The following TSHR variants were observed in gnomAD, a reference collection of about 807,000 sequenced individuals.
TSHR encodes thyroid stimulating hormone receptor, also known as thyrotropin receptor.
In TSHR, 51 loss-of-function variants were observed where a neutral mutation model predicts 64.1. The observed-to-expected ratio is 0.80, with a 90% CI of 0.64 to 1.01. The LOEUF (loss-of-function observed/expected upper bound fraction) is 1.01, where lower values mean the gene tolerates loss of function less well. Ranked by LOEUF, TSHR falls within the 50% of genes least tolerant of loss-of-function variation. TSHR has a pLI of 0.00. For synonymous variants in TSHR, 361 were observed against 361.9 expected, an observed-to-expected ratio of 1.00 and a Z score of 0.03; for missense variants, 877 against 942.8, an observed-to-expected ratio of 0.93 and a Z score of 0.91.
chr14:81,099,151 A>G (rs1388588817), intron 7 of TSHR, among the ~76,000 whole-genome samples: 1 of 152,214 alleles, frequency 6.6e-6, no homozygotes, highest in Admixed American at 6.5e-5. Context: ...ACTCTCTCCA[A>G]GTGAGTCCAA....
intron 1 of TSHR, among the ~76,000 whole-genome samples, chr14:81,018,711 C>A (rs1387805935): frequency 6.6e-6 from 1 of 152,124 alleles, no homozygotes; most frequent in Non-Finnish European, 1.5e-5. Flanking sequence ...TGGCTGTGAC[C>A]TCCTCATAGT....
chr14:80,983,451 G>A, intron 1 of TSHR: 1 of 1,306,192 alleles, frequency 7.7e-7, no homozygotes, highest in Non-Finnish European at 1.1e-6. Flanking sequence ...CAATATGAAG[G>A]CACTGGCAGC....
chr14:81,108,494 C>CT lies in TSHR; in HGVS notation c.692+55dup, dbSNP rs375160114. On this transcript the variant is annotated intron_variant, in intron 8 of 9. Coordinates refer to ENST00000298171, the MANE Select transcript of TSHR (RefSeq NM_000369.5). ...AAAGAATATTTTAGTCTTTTTTTTTCTTTTTTTTTTTTTGGAATAAATGGA... is the reference window on the plus strand; with the variant it reads ...AAAGAATATTTTAGTCTTTTTTTTTCTTTTTTTTTTTTTTGGAATAAATGGA... The CT allele has an allele frequency of 7.1e-3, 9,179 of 1,298,176 alleles. 1 individual carries two copies. Among genetic ancestry groups the CT allele is most frequent in the East Asian group, 0.011 (387 of 34,974 alleles). The allele number at this position is 1,298,176 out of a possible 1,614,324, so 80.4% of individuals were successfully genotyped here. A position where few individuals can be genotyped will look rare whatever the true frequency, so the allele number is the denominator to read the frequency against.
chr14:81,119,397 A>T (rs1348600701), intron 8 of TSHR, among the ~76,000 whole-genome samples: 6 of 139,868 alleles, frequency 4.3e-5, no homozygotes, highest in Non-Finnish European at 9.1e-5. Context: ...TCAAAAGAAG[A>T]CATTTATGCA....
chr14:81,018,897 A>G (rs1270996793), intron 1 of TSHR, among the ~76,000 whole-genome samples: 2 of 152,268 alleles, frequency 1.3e-5, no homozygotes, highest in Admixed American at 1.3e-4. Flanking sequence ...AGCCAAGATT[A>G]GATGTGTCTT....
chr14:81,096,061 T>A lies in TSHR; in HGVS notation c.546-578T>A, dbSNP rs7151496. ...TGTCTCAAAAAAAAAAAAAAAAAAA[T>A]CCATAAGAGGACATGGTCTATCTAC... is the stretch of plus-strand genomic sequence containing the variant. On this transcript the variant is annotated intron_variant, in intron 6 of 9. Coordinates refer to ENST00000298171, the MANE Select transcript of TSHR (RefSeq NM_000369.5). Among the ~76,000 whole-genome samples the A allele has an allele frequency of 5.7e-3, 530 of 92,176 alleles. 10 individuals carry two copies. The highest frequency in any genetic ancestry group is 0.015 in the African/African-American group (216 of 14,006). 60.5% of individuals were successfully genotyped at this position (92,176 alleles called of 152,430 possible). A position where few individuals can be genotyped will look rare whatever the true frequency, so the allele number is the denominator to read the frequency against.
rs1204266686 is a variant in TSHR, at chr14:81,145,478, A to G, written c.*1125A>G. ...ATACTCGCCTGGATCTGAATCATTC[A>G]TTTAATTACTAGATCTACCCAGCTG... On this transcript the variant is annotated 3_prime_UTR_variant, in exon 10 of 10. Transcript: ENST00000298171. 9 of 222,452 alleles carry G rather than the reference A, an allele frequency of 4.0e-5. No homozygotes were observed. The highest frequency in any genetic ancestry group is 6.9e-5 in the Non-Finnish European group (8 of 115,650). The allele number at this position is 222,452 out of a possible 1,614,324, so 13.8% of individuals were successfully genotyped here.
intron 1 of TSHR, among the ~76,000 whole-genome samples, chr14:80,985,109 G>A (rs1230662765): frequency 1.3e-5 from 2 of 152,132 alleles, no homozygotes; most frequent in Admixed American, 6.5e-5. Context: ...AATTAGCCGG[G>A]TGTGGTGGCG....
chr14:81,054,573 A>G (rs1885640680), intron 1 of TSHR, among the ~76,000 whole-genome samples: 1 of 152,202 alleles, frequency 6.6e-6, no homozygotes, highest in African/African-American at 2.4e-5. Context: ...GACATGGACA[A>G]TGAAATCTAG....
At chr14:80,998,429 CAT>C (rs1374449898) in intron 1 of TSHR, among the ~76,000 whole-genome samples, 3 of 152,118 alleles carry the variant, frequency 2.0e-5, no homozygotes, top group African/African-American at 4.8e-5. Flanking sequence ...CAAATAATTA[CAT>C]GTTTGGTGGG....
chr14:80,961,334 CAG>C (rs1887017918), intron 1 of TSHR, among the ~76,000 whole-genome samples: 1 of 152,206 alleles, frequency 6.6e-6, no homozygotes, highest in Non-Finnish European at 1.5e-5. Flanking sequence ...TACATAAACA[CAG>C]AGTTATAATT....
chr14:81,039,076 C>G (rs576733890), intron 1 of TSHR, among the ~76,000 whole-genome samples: 70 of 151,806 alleles, frequency 4.6e-4, no homozygotes, highest in African/African-American at 1.7e-3. Context: ...AAAAACAAGA[C>G]AAGGACACAA....
intron 1 of TSHR, among the ~76,000 whole-genome samples, chr14:80,984,813 T>C (rs999432807): frequency 5.3e-5 from 8 of 152,338 alleles, no homozygotes; most frequent in African/African-American, 1.7e-4. Context: ...CAAACTTTGT[T>C]CAGTGAGTAA....
At chr14:80,987,561 A>T (rs1888527632) in intron 1 of TSHR, among the ~76,000 whole-genome samples, 2 of 152,188 alleles carry the variant, frequency 1.3e-5, no homozygotes, top group South Asian at 4.1e-4. Flanking sequence ...TTGACAGCTC[A>T]ATTCACCTGG....
intron 1 of TSHR, among the ~76,000 whole-genome samples, chr14:81,028,871 A>T (rs1010352316): frequency 1.3e-5 from 2 of 152,160 alleles, no homozygotes; most frequent in Middle Eastern, 3.4e-3. Flanking sequence ...TTTAAACCCA[A>T]AATGGATTCT....
At chr14:81,089,294 T>G (rs976100423) in intron 4 of TSHR, among the ~76,000 whole-genome samples, 4 of 152,080 alleles carry the variant, frequency 2.6e-5, no homozygotes, top group African/African-American at 9.7e-5. Context: ...GGCCAATAGT[T>G]GTATATTGAA....
At chr14:81,044,539 T>C (rs1023279616) in intron 1 of TSHR, among the ~76,000 whole-genome samples, 1 of 151,868 alleles carries the variant, frequency 6.6e-6, no homozygotes, top group African/African-American at 2.4e-5. Context: ...GTGCCTGCAG[T>C]CCCAGCTACT....
intron 1 of TSHR, among the ~76,000 whole-genome samples, chr14:80,959,189 T>C (rs892653007): frequency 5.3e-5 from 8 of 152,166 alleles, no homozygotes; most frequent in Non-Finnish European, 7.3e-5. Context: ...TATGATGCTT[T>C]ACCTGAGTGG....
intron 8 of TSHR, among the ~76,000 whole-genome samples, chr14:81,118,532 C>T (rs1890634302): frequency 6.6e-6 from 1 of 150,596 alleles, no homozygotes; most frequent in African/African-American, 2.5e-5. Context: ...AAAGAGGATA[C>T]AAACAAATGG....
Sources: gnomAD v4.1 joint callset for allele counts (sites outside exome capture counted in the v4.1 genomes callset) on GRCh38, gnomAD v4.1.1 for gene constraint, MANE v1.5 for transcripts, NCBI Gene and HGNC (gene_info 2026-07-23, HGNC 2026-07-21) for gene names.